FGF12: variants seen among roughly 807,000 people sequenced by gnomAD.
The protein encoded by FGF12 is fibroblast growth factor 12B.
Under a neutral mutation model 23.6 loss-of-function variants are expected in FGF12, and 14 were observed. The observed-to-expected ratio is 0.59, with a 90% CI of 0.39 to 0.93. FGF12 has a LOEUF of 0.93. FGF12 is among the 40% of genes least tolerant of loss of function. The probability of loss-of-function intolerance (pLI) is 0.00; values close to 1 mark genes in which losing one functional copy is unlikely to be tolerated. For synonymous variants in FGF12, 62 were observed against 77.3 expected (o/e 0.80, Z 1.04); for missense variants, 175 against 217.8 (o/e 0.80, Z 1.24).
intron 4 of FGF12, among the ~76,000 whole-genome samples, chr3:192,263,133 T>A (rs1029059186): frequency 4.6e-5 from 7 of 152,168 alleles, no homozygotes; most frequent in African/African-American, 1.7e-4. Flanking sequence ...AGCAAAATAG[T>A]AAGTATATAG....
chr3:192,550,678 G>A (rs1431814649), intron 2 of FGF12, among the ~76,000 whole-genome samples: 1 of 151,990 alleles, frequency 6.6e-6, no homozygotes, highest in East Asian at 1.9e-4. Context: ...AGAGCATCAG[G>A]TGAGATAAAG....
intron 2 of FGF12, among the ~76,000 whole-genome samples, chr3:192,437,469 G>T (rs1335849979): frequency 1.3e-5 from 2 of 152,086 alleles, no homozygotes; most frequent in Non-Finnish European, 2.9e-5. Context: ...AAGGTGGGTG[G>T]ATCACAAGGT....
intron 2 of FGF12, among the ~76,000 whole-genome samples, chr3:192,599,879 A>G (rs916452299): frequency 5.3e-5 from 8 of 152,128 alleles, no homozygotes; most frequent in African/African-American, 1.7e-4. Context: ...TAGTAAAGTT[A>G]GTGGCTAGTC....
At chr3:192,334,820 T>C (rs1174730430) in intron 4 of FGF12, among the ~76,000 whole-genome samples, 1 of 152,190 alleles carries the variant, frequency 6.6e-6, no homozygotes, top group Non-Finnish European at 1.5e-5. Context: ...CAAATATCCT[T>C]GCTCGTAATC....
chr3:192,479,343 T>C (rs1723415799), intron 2 of FGF12, among the ~76,000 whole-genome samples: 1 of 152,122 alleles, frequency 6.6e-6, no homozygotes, highest in South Asian at 2.1e-4. Flanking sequence ...TGCCCACCTG[T>C]CCAAAGTCCC....
intron 4 of FGF12, among the ~76,000 whole-genome samples, chr3:192,191,754 C>T (rs1255976396): frequency 4.0e-5 from 6 of 151,250 alleles, no homozygotes; most frequent in Non-Finnish European, 5.9e-5. Context: ...GAGAATGGCA[C>T]GAACCCGGGA....
intron 2 of FGF12, among the ~76,000 whole-genome samples, chr3:192,420,067 G>A (rs148117586): frequency 6.6e-6 from 1 of 152,284 alleles, no homozygotes; most frequent in East Asian, 1.9e-4. Flanking sequence ...CAAAACTACA[G>A]TGGATTCTAT....
chr3:192,576,638 T>A (rs1251015662), intron 2 of FGF12, among the ~76,000 whole-genome samples: 2 of 152,146 alleles, frequency 1.3e-5, no homozygotes, highest in Admixed American at 1.3e-4. Context: ...TATTTAAGAA[T>A]ACTTGATGGT....
chr3:192,409,150 C>A lies in FGF12; in HGVS notation c.14-48612G>T. The A allele has an allele frequency of 4.7e-6, 1 of 211,404 alleles. No homozygotes were observed. The highest frequency in any genetic ancestry group is 8.2e-6 in the Non-Finnish European group (1 of 121,940). 13.1% of individuals were successfully genotyped at this position (211,404 alleles called of 1,614,324 possible). On this transcript the variant is annotated intron_variant, in intron 2 of 5. Coordinates refer to ENST00000445105, the MANE Select transcript of FGF12 (RefSeq NM_004113.6). The surrounding 1 kb of genome is among the most constrained non-coding windows in gnomAD (Gnocchi z 4.8). ...CGGGGAGAAACCAGCGAGAGGCGAT[C>A]TGCGGGGTCCCAAGAGTGGGCGCTC...
intron 2 of FGF12, among the ~76,000 whole-genome samples, chr3:192,711,940 C>CAA (rs60779864): frequency 0.01 from 514 of 50,662 alleles, 3 homozygotes; most frequent in Non-Finnish European, 0.02. Flanking sequence ...CAAGAACGAT[C>CAA]AAAAAAAAAA....
intron 2 of FGF12, among the ~76,000 whole-genome samples, chr3:192,710,998 A>G (rs2108738844): frequency 6.6e-6 from 1 of 152,264 alleles, no homozygotes; most frequent in East Asian, 1.9e-4. Flanking sequence ...GCCCACCAAC[A>G]TCACTCTACA....
intron 2 of FGF12, among the ~76,000 whole-genome samples, chr3:192,571,942 G>GT (rs5855435): frequency 1.9e-3 from 267 of 143,938 alleles, no homozygotes; most frequent in African/African-American, 2.6e-3. Context: ...CACTATTGCT[G>GT]TTTTTTTTTT....
intron 2 of FGF12, among the ~76,000 whole-genome samples, chr3:192,630,569 T>TTC (rs1183977866): frequency 1.3e-5 from 2 of 151,078 alleles, no homozygotes; most frequent in Admixed American, 6.6e-5. Context: ...TTTTTTTTTT[T>TTC]TTAGATGGAG....
At chr3:192,689,488 CA>C (rs1336188479) in intron 2 of FGF12, among the ~76,000 whole-genome samples, 1 of 151,724 alleles carries the variant, frequency 6.6e-6, no homozygotes, top group East Asian at 1.9e-4. Flanking sequence ...AGAAAATAAC[CA>C]AACAGAAATT....
chr3:192,538,378 T>C (rs1725286104), intron 2 of FGF12, among the ~76,000 whole-genome samples: 1 of 152,210 alleles, frequency 6.6e-6, no homozygotes, highest in African/African-American at 2.4e-5. Flanking sequence ...AGATATTGTC[T>C]TTTCCCCAAT....
At chr3:192,399,045 G>A (rs968865911) in intron 2 of FGF12, among the ~76,000 whole-genome samples, 4 of 151,902 alleles carry the variant, frequency 2.6e-5, no homozygotes, top group East Asian at 1.9e-4. Context: ...TCAAGAAGAC[G>A]AGGCATGCAA....
chr3:192,526,554 A>G (rs1326228906), intron 2 of FGF12, among the ~76,000 whole-genome samples: 1 of 152,106 alleles, frequency 6.6e-6, no homozygotes, highest in East Asian at 1.9e-4. Flanking sequence ...ACACACACGC[A>G]TACACACACA....
intron 2 of FGF12, among the ~76,000 whole-genome samples, chr3:192,495,813 T>C (rs1723938343): frequency 1.3e-5 from 2 of 152,004 alleles, no homozygotes; most frequent in South Asian, 4.1e-4. Context: ...CATAAGCATG[T>C]GCCACCACCC....
intron 4 of FGF12, among the ~76,000 whole-genome samples, chr3:192,210,809 G>A (rs1395630902): frequency 6.6e-6 from 1 of 152,116 alleles, no homozygotes; most frequent in Non-Finnish European, 1.5e-5. Context: ...TATAAATGGG[G>A]GTAAGGTGTT....
Sources: allele counts gnomAD v4.1 joint callset (sites outside exome capture counted in the v4.1 genomes callset), GRCh38; gene constraint gnomAD v4.1.1; non-coding constraint Gnocchi (gnomAD v3.1); transcripts MANE v1.5; gene names NCBI Gene and HGNC (gene_info 2026-07-23, HGNC 2026-07-21).